Variants in TUB observed in about 807,000 individuals in gnomAD.
TUB encodes the protein tubby protein homolog.
A neutral mutation model predicts 59.7 loss-of-function variants in TUB; 33 were observed. The ratio of observed to expected loss-of-function variants is 0.55; its 90% CI spans 0.42 to 0.74. The LOEUF (loss-of-function observed/expected upper bound fraction) is 0.74, where lower values mean the gene tolerates loss of function less well. Ranked by LOEUF, TUB falls within the 30% of genes least tolerant of loss-of-function variation. The pLI, the probability that TUB is intolerant of heterozygous loss-of-function variation, is 0.00. For missense variants in TUB, 659 were observed against 672.0 expected, an observed-to-expected ratio of 0.98 and a Z score of 0.21; for synonymous variants, 293 against 256.4, an observed-to-expected ratio of 1.14 and a Z score of -1.36.
At chr11:8,036,987 G>A (rs932043644), upstream of TUB, among the ~76,000 whole-genome samples, 4 of 152,236 alleles carry the variant, frequency 2.6e-5, no homozygotes, top group East Asian at 5.8e-4. Context: ...TGTTGTGCTT[G>A]AGAAAGTGCT....
chr11:8,069,985 G>C (rs1347037352), intron 2 of TUB, among the ~76,000 whole-genome samples: 1 of 152,212 alleles, frequency 6.6e-6, no homozygotes, highest in East Asian at 1.9e-4. Context: ...CACCGTGTGG[G>C]CATGCTCTCA....
chr11:8,096,559 G>C (rs953267912), intron 5 of TUB, 126 bp from the exon 6 acceptor site: 2 of 717,934 alleles, frequency 2.8e-6, no homozygotes, highest in East Asian at 2.5e-5. Context: ...ATGGCTAAGA[G>C]TGTGTGCATA....
chr11:8,055,050 C>A (rs1373407451), intron 2 of TUB, among the ~76,000 whole-genome samples: 1 of 152,184 alleles, frequency 6.6e-6, no homozygotes, highest in Non-Finnish European at 1.5e-5. Context: ...CCTGGAAACC[C>A]CCTCAGCTAG....
At chr11:8,040,102 C>T (rs1942722554) in intron 2 of TUB, among the ~76,000 whole-genome samples, 1 of 152,170 alleles carries the variant, frequency 6.6e-6, no homozygotes, top group Non-Finnish European at 1.5e-5. Context: ...GAGCCTCCAG[C>T]CCCCCTGCCC....
At chr11:8,070,969 G>T (rs1295725831) in intron 2 of TUB, among the ~76,000 whole-genome samples, 2 of 152,054 alleles carry the variant, frequency 1.3e-5, no homozygotes, top group African/African-American at 4.8e-5. Context: ...GGAGGGAAAG[G>T]GGGTGCAGAT....
At chr11:8,046,678 C>T (rs926193824) in intron 2 of TUB, among the ~76,000 whole-genome samples, 1 of 151,716 alleles carries the variant, frequency 6.6e-6, no homozygotes, top group Non-Finnish European at 1.5e-5. Context: ...TATATAGCAG[C>T]CTGCAAACTG....
upstream of TUB, among the ~76,000 whole-genome samples, chr11:8,034,829 A>G (rs569144193): frequency 4.6e-5 from 7 of 152,154 alleles, no homozygotes; most frequent in South Asian, 1.5e-3. Flanking sequence ...GTGCCACCTT[A>G]TGACTCACTA....
chr11:8,044,727 T>C (rs138008992), intron 2 of TUB, among the ~76,000 whole-genome samples: 1 of 152,216 alleles, frequency 6.6e-6, no homozygotes, highest in Non-Finnish European at 1.5e-5. Context: ...AGTCCCAGGT[T>C]GTCACCTATA....
intron 1 of TUB, among the ~76,000 whole-genome samples, chr11:8,087,221 T>C (rs1177280603): frequency 2.6e-5 from 4 of 152,232 alleles, no homozygotes; most frequent in South Asian, 2.1e-4. Flanking sequence ...GGAGGTGGCA[T>C]TGCTGATGTG....
intron 2 of TUB, among the ~76,000 whole-genome samples, chr11:8,054,677 G>T (rs1360617612): frequency 6.6e-6 from 1 of 152,194 alleles, no homozygotes; most frequent in Non-Finnish European, 1.5e-5. Context: ...CCATATATGT[G>T]TCAGCATGCA....
rs1026521590 is a variant in TUB at position 8,095,773 on chromosome 11, A to G, written c.565+108A>G. On this transcript the variant is annotated intron_variant, in intron 5 of 11. Coordinates refer to ENST00000299506, the MANE Select transcript of TUB (RefSeq NM_177972.3). ...CCTGTGTCCAAACCCCTCCCTGGCA[A>G]TGGTGGGTGAGGGTGGGGCACACTT... The G allele has an allele frequency of 5.7e-5, 70 of 1,238,694 alleles. No homozygotes were observed. The African/African-American group carries it at 8.1e-4, about 14-fold the overall frequency. The allele number at this position is 1,238,694 out of a possible 1,614,324, so 76.7% of individuals were successfully genotyped here. A position where few individuals can be genotyped will look rare whatever the true frequency, so the allele number is the denominator to read the frequency against.
chr11:8,043,443 G>A (rs1171896204), intron 2 of TUB, among the ~76,000 whole-genome samples: 1 of 152,082 alleles, frequency 6.6e-6, no homozygotes, highest in Admixed American at 6.5e-5. Context: ...GAATCTGCTT[G>A]TCAATTTCCA....
chr11:8,019,468 G>A, intron 1 of TUB: 1 of 1,124,456 alleles, frequency 8.9e-7, no homozygotes, highest in Middle Eastern at 3.3e-4. Flanking sequence ...GACCCCCAGG[G>A]TGGGCTTGGG....
upstream of TUB, among the ~76,000 whole-genome samples, chr11:8,037,363 G>A (rs1950008): frequency 0.08 from 12,150 of 152,244 alleles, 731 homozygotes; most frequent in African/African-American, 0.16. Flanking sequence ...GCTGATGTCC[G>A]TGATTCTTCT....
intron 2 of TUB, among the ~76,000 whole-genome samples, chr11:8,042,236 C>G (rs1942763551): frequency 1.3e-5 from 2 of 151,986 alleles, no homozygotes; most frequent in African/African-American, 4.8e-5. Context: ...AATATGTGGT[C>G]TTTTGTAACT....
chr11:8,058,838 G>C (rs1211177812), intron 2 of TUB, among the ~76,000 whole-genome samples: 1 of 151,152 alleles, frequency 6.6e-6, no homozygotes, highest in African/African-American at 2.4e-5. Flanking sequence ...TTGATTTCTG[G>C]GACAGTCATC....
intron 2 of TUB, among the ~76,000 whole-genome samples, chr11:8,048,547 A>G (rs1398410752): frequency 6.6e-6 from 1 of 152,068 alleles, no homozygotes; most frequent in Non-Finnish European, 1.5e-5. Flanking sequence ...AACTGTAGGA[A>G]TATGCTGCCA....
chr11:8,024,058 C>T (rs1942468181), intron 1 of TUB, among the ~76,000 whole-genome samples: 1 of 152,172 alleles, frequency 6.6e-6, no homozygotes, highest in Non-Finnish European at 1.5e-5. Flanking sequence ...GCTCTCTGAC[C>T]TCAGGCATGT....
intron 11 of TUB, among the ~76,000 whole-genome samples, chr11:8,101,261 G>T (rs1483168485): frequency 1.3e-5 from 2 of 152,152 alleles, no homozygotes; most frequent in South Asian, 4.1e-4. Context: ...CCTCTTTTCT[G>T]TCCCCTGGTG....
Sources: gnomAD v4.1 joint callset for allele counts (sites outside exome capture counted in the v4.1 genomes callset) on GRCh38, gnomAD v4.1.1 for gene constraint, MANE v1.5 for transcripts, NCBI Gene and HGNC (gene_info 2026-07-23, HGNC 2026-07-21) for gene names.